Variants in TM9SF2 observed in about 807,000 individuals in gnomAD.
TM9SF2 encodes the protein transmembrane 9 superfamily member 2.
Under a neutral mutation model 84.9 loss-of-function variants are expected in TM9SF2, and 13 were observed. That is an observed-to-expected ratio of 0.15 (90% confidence interval 0.10 to 0.24). TM9SF2 has a LOEUF of 0.24. Ranked by LOEUF, TM9SF2 falls within the 10% of genes least tolerant of loss-of-function variation. The pLI, the probability that TM9SF2 is intolerant of heterozygous loss-of-function variation, is 1.00. For missense variants in TM9SF2, 562 were observed against 818.5 expected (o/e 0.69, Z 3.82); for synonymous variants, 273 against 285.8 (o/e 0.96, Z 0.45).
At chr13:99,517,334 C>T (rs1226840778) in intron 1 of TM9SF2, among the ~76,000 whole-genome samples, 2 of 152,092 alleles carry the variant, frequency 1.3e-5, no homozygotes, top group African/African-American at 2.4e-5. Context: ...CTGTATTGCC[C>T]GGGCTAGTCA....
chr13:99,531,974 T>G (rs2046212049), intron 4 of TM9SF2, among the ~76,000 whole-genome samples: 2 of 152,136 alleles, frequency 1.3e-5, no homozygotes, highest in African/African-American at 4.8e-5. Flanking sequence ...ATTAGCCCTA[T>G]CCACCTGCGT....
Position 99,558,801 on chromosome 13 carries a change from A to T in TM9SF2, c.1753-562A>T, listed in dbSNP as rs1391928194. ...TGCTTTTCGAATATATTTGTTTTTC[A>T]CATATTCCAAAGGGCAAGAGAGATA... is the stretch of plus-strand genomic sequence containing the variant. On this transcript the variant is annotated intron_variant, in intron 15 of 16. Transcript: ENST00000376387. Among the ~76,000 whole-genome samples the T allele has an allele frequency of 2.0e-5, 3 of 152,126 alleles. No individual in the cohort carries two copies. The East Asian group carries it at 5.8e-4, about 29-fold the overall frequency.
At chr13:99,502,945 A>T (rs1335501702) in intron 1 of TM9SF2, among the ~76,000 whole-genome samples, 3 of 152,228 alleles carry the variant, frequency 2.0e-5, no homozygotes, top group Non-Finnish European at 4.4e-5. Context: ...GTTGTCAGCT[A>T]TCTTGAATGA....
At chr13:99,546,255 A>T (rs976710564) in intron 10 of TM9SF2, among the ~76,000 whole-genome samples, 1 of 151,994 alleles carries the variant, frequency 6.6e-6, no homozygotes, top group African/African-American at 2.4e-5. Flanking sequence ...GCCTCCTGAA[A>T]CTCAGTTCTC....
chr13:99,507,257 C>T (rs1566561789), intron 1 of TM9SF2, among the ~76,000 whole-genome samples: 1 of 152,230 alleles, frequency 6.6e-6, no homozygotes, highest in Non-Finnish European at 1.5e-5. Flanking sequence ...GCCTTCTACT[C>T]TGAGCACTCT....
In TM9SF2 at chr13:99,529,460, AAT is replaced by A. The variant is rs759293251; in HGVS notation, c.334-5_334-4del. 6.5e-7 allele frequency: 1 copy of A among 1,533,258 alleles called. No individual in the cohort carries two copies. Among genetic ancestry groups the A allele is most frequent in the South Asian group, 1.3e-5 (1 of 77,028 alleles). The allele number at this position is 1,533,258 out of a possible 1,614,324, so 95.0% of individuals were successfully genotyped here. ...CTGAATTTGCTTTCCACTTCCTTTTAATACAGTTTACGTTTAATAAGAAGGAG... is the reference window on the plus strand; with the variant it reads ...CTGAATTTGCTTTCCACTTCCTTTTAACAGTTTACGTTTAATAAGAAGGAG... On this transcript the variant is annotated splice_region_variant and splice_polypyrimidine_tract_variant and intron_variant, in intron 3 of 16. Transcript: ENST00000376387.
chr13:99,502,480 A>G (rs573712257), intron 1 of TM9SF2, among the ~76,000 whole-genome samples: 6 of 152,272 alleles, frequency 3.9e-5, no homozygotes, highest in Admixed American at 2.0e-4. Flanking sequence ...AGGTCTCACT[A>G]TTTTCTCTGA....
chr13:99,510,719 C>T lies in TM9SF2; in HGVS notation c.172-6895C>T, dbSNP rs181591755. On this transcript the variant is annotated intron_variant, in intron 1 of 16. Transcript: ENST00000376387. ...TCACCCTCATGATCCAGTCACCTCCCAGCAAGCTCCACCTCCAACACTGGA... is the reference window on the plus strand; with the variant it reads ...TCACCCTCATGATCCAGTCACCTCCTAGCAAGCTCCACCTCCAACACTGGA... Among the ~76,000 whole-genome samples the T allele has an allele frequency of 2.6e-3, 399 of 152,320 alleles. 2 individuals are homozygous for T. Among genetic ancestry groups the T allele is most frequent in the Non-Finnish European group, 4.8e-3 (325 of 68,032 alleles).
chr13:99,508,295 A>T (rs548095696), intron 1 of TM9SF2, among the ~76,000 whole-genome samples: 1 of 152,222 alleles, frequency 6.6e-6, no homozygotes, highest in African/African-American at 2.4e-5. Context: ...CATCAGTGAT[A>T]ATCTAGAGTC....
chr13:99,522,003 G>A (rs892271755), intron 3 of TM9SF2, among the ~76,000 whole-genome samples: 11 of 152,050 alleles, frequency 7.2e-5, no homozygotes, highest in Admixed American at 2.0e-4. Flanking sequence ...GTGAGCCGCC[G>A]TCTGACGCCT....
chr13:99,510,284 C>T (rs2046108085), intron 1 of TM9SF2, among the ~76,000 whole-genome samples: 1 of 152,194 alleles, frequency 6.6e-6, no homozygotes, highest in Non-Finnish European at 1.5e-5. Flanking sequence ...CTATCTTCTT[C>T]TGAGCCCTCC....
At chr13:99,513,581 C>T (rs1566563441) in intron 1 of TM9SF2, among the ~76,000 whole-genome samples, 1 of 151,726 alleles carries the variant, frequency 6.6e-6, no homozygotes, top group Non-Finnish European at 1.5e-5. Context: ...AACTTTATGC[C>T]TTGTGTTCGA....
chr13:99,508,402 A>G lies in TM9SF2; in HGVS notation c.171+6625A>G, dbSNP rs576861284. On this transcript the variant is annotated intron_variant, in intron 1 of 16. Transcript: ENST00000376387. ...TTAGAGTGGGAAAAAAAAGGCAAAC[A>G]AAACACACACACACACACACACACA... is the stretch of plus-strand genomic sequence containing the variant. Among the ~76,000 whole-genome samples, 48 of 74,336 alleles carry G rather than the reference A, an allele frequency of 6.5e-4. 1 individual carries two copies. The South Asian group carries it at 0.022, about 33-fold the overall frequency. The allele number at this position is 74,336 out of a possible 152,430, so 48.8% of individuals were successfully genotyped here. A position where few individuals can be genotyped will look rare whatever the true frequency, so the allele number is the denominator to read the frequency against.
At chr13:99,516,256 G>A (rs1309978266) in intron 1 of TM9SF2, among the ~76,000 whole-genome samples, 1 of 152,124 alleles carries the variant, frequency 6.6e-6, no homozygotes, top group African/African-American at 2.4e-5. Flanking sequence ...TGTTTTGATT[G>A]TACACCAACC....
rs1015487789 is a variant in TM9SF2 at position 99,556,298 on chromosome 13, A to G, written c.1752+651A>G. Among the ~76,000 whole-genome samples the G allele has an allele frequency of 2.6e-5, 4 of 152,312 alleles. No homozygotes were observed. In the East Asian group the frequency reaches 5.8e-4, roughly 22 times the overall value. ...TGAAGTGGACAGTTTAATGGCACTT[A>G]CTGCATTTACAGTGTTGCGCCACCA... is the stretch of plus-strand genomic sequence containing the variant. On this transcript the variant is annotated intron_variant, in intron 15 of 16. Transcript: ENST00000376387.
chr13:99,531,495 C>T (rs1024049502), intron 4 of TM9SF2, among the ~76,000 whole-genome samples: 2 of 152,162 alleles, frequency 1.3e-5, no homozygotes, highest in African/African-American at 4.8e-5. Flanking sequence ...TCCTCCACCC[C>T]ACCCAACCCC....
intron 1 of TM9SF2, among the ~76,000 whole-genome samples, chr13:99,511,978 GTTA>G (rs1042119320): frequency 2.9e-4 from 44 of 152,208 alleles, no homozygotes; most frequent in Non-Finnish European, 5.1e-4. Flanking sequence ...GTGCGTGATA[GTTA>G]TTATCTTCCT....
chr13:99,529,116 A>G (rs1195054523), intron 3 of TM9SF2, among the ~76,000 whole-genome samples: 1 of 152,202 alleles, frequency 6.6e-6, no homozygotes, highest in Non-Finnish European at 1.5e-5. Context: ...TAACTCCAGA[A>G]TTCCTAAGAC....
intron 9 of TM9SF2, among the ~76,000 whole-genome samples, chr13:99,541,902 C>G (rs977742257): frequency 1.3e-5 from 2 of 152,134 alleles, no homozygotes; most frequent in Admixed American, 1.3e-4. Flanking sequence ...GTAATCCCAG[C>G]ACTTTGGGAG....
Sources: gnomAD v4.1 joint callset for allele counts (sites outside exome capture counted in the v4.1 genomes callset) on GRCh38, gnomAD v4.1.1 for gene constraint, MANE v1.5 for transcripts, NCBI Gene and HGNC (gene_info 2026-07-23, HGNC 2026-07-21) for gene names.